The following THADA variants were observed in gnomAD, a reference collection of about 807,000 sequenced individuals.
THADA encodes tRNA (32-2'-O)-methyltransferase regulator THADA.
In THADA, 213 loss-of-function variants were observed where a neutral mutation model predicts 219.8. That is an observed-to-expected ratio of 0.97 (90% confidence interval 0.87 to 1.09). THADA has a LOEUF of 1.09. THADA is among the 50% of genes least tolerant of loss of function. The pLI, the probability that THADA is intolerant of heterozygous loss-of-function variation, is 0.00. For missense variants in THADA, 2,956 were observed against 2,311.3 expected, an observed-to-expected ratio of 1.28 and a Z score of -5.72; for synonymous variants, 1,018 against 828.9, an observed-to-expected ratio of 1.23 and a Z score of -3.92.
chr2:43,299,734 G>T (rs553246195), intron 31 of THADA, among the ~76,000 whole-genome samples: 2 of 148,890 alleles, frequency 1.3e-5, no homozygotes, highest in East Asian at 4.1e-4. Flanking sequence ...ACTAATAAAA[G>T]CTGAAATTTG....
At position 43,294,670 on chromosome 2, in the gene THADA, C is replaced by T. The variant is rs147792783; in HGVS notation, c.4439-1457G>A. Among the ~76,000 whole-genome samples the T allele has an allele frequency of 1.1e-3, 168 of 152,192 alleles. 2 individuals are homozygous for T. The East Asian group carries it at 0.029, about 27-fold the overall frequency. ...CCCATTTTCACTGAAGTGCTCTTAT[C>T]GTTGAGGAGGCAATATTAGAGGCAG... is the stretch of plus-strand genomic sequence containing the variant. On this transcript the variant is annotated intron_variant, in intron 31 of 37. Transcript: ENST00000405975.
Position 43,430,194 on chromosome 2 carries a change from C to A in THADA, c.3926+19G>T. 7.4e-7 allele frequency: 1 copy of A among 1,348,466 alleles called. No homozygotes were observed. Among genetic ancestry groups the A allele is most frequent in the African/African-American group, 1.5e-5 (1 of 66,562 alleles). 83.5% of individuals were successfully genotyped at this position (1,348,466 alleles called of 1,614,324 possible). ...TCACATCCTTGAGGTCATTTTGCCC[C>A]ACCCAATTCTCTTCTTACCTGTCTA... On this transcript the variant is annotated intron_variant, in intron 27 of 37. Coordinates refer to ENST00000405975, the MANE Select transcript of THADA (RefSeq NM_022065.5).
chr2:43,270,323 C>T (rs528538997), intron 36 of THADA, among the ~76,000 whole-genome samples: 4 of 152,288 alleles, frequency 2.6e-5, no homozygotes, highest in Non-Finnish European at 4.4e-5. Flanking sequence ...CACTGGAGAA[C>T]AGGAACAGCA....
intron 4 of THADA, 23 bp from the exon 5 acceptor site, chr2:43,587,025 A>C: frequency 6.2e-7 from 1 of 1,603,046 alleles, no homozygotes; most frequent in Non-Finnish European, 8.5e-7. Context: ...ACAAATATTA[A>C]AAATCTGACA....
chr2:43,454,930 T>C (rs1019195789), intron 26 of THADA, among the ~76,000 whole-genome samples: 1 of 104,826 alleles, frequency 9.5e-6, no homozygotes, highest in Non-Finnish European at 1.9e-5. Context: ...ATATGAGCTG[T>C]TTTTTTTTTC....
At chr2:43,368,075 G>A (rs961286761) in intron 29 of THADA, among the ~76,000 whole-genome samples, 2 of 152,076 alleles carry the variant, frequency 1.3e-5, no homozygotes, top group Non-Finnish European at 2.9e-5. Context: ...CCGAGATCAC[G>A]CCATTGCACT....
At chr2:43,483,305 A>G (rs7600657) in intron 26 of THADA, among the ~76,000 whole-genome samples, 26,596 of 152,162 alleles carry the variant, frequency 0.17, 3,355 homozygotes, top group African/African-American at 0.35. Context: ...TGGAAGGAAC[A>G]GGCATATAAA....
chr2:43,576,264 G>A (rs1410200020), intron 10 of THADA, among the ~76,000 whole-genome samples: 1 of 152,118 alleles, frequency 6.6e-6, no homozygotes, highest in African/African-American at 2.4e-5. Context: ...TTATTCATAT[G>A]TTCAGTATTA....
In THADA at chr2:43,575,012, C is replaced by T. The variant is rs372568862; in HGVS notation, c.1053G>A (p.Thr351=). 25 of 1,609,384 alleles carry T rather than the reference C, an allele frequency of 1.6e-5. No homozygotes were observed. Among genetic ancestry groups the T allele is most frequent in the Admixed American group, 1.0e-4 (6 of 59,256 alleles). Residue 351 remains threonine, a synonymous_variant, in exon 11 of 38, where the codon ACG becomes ACA. Coordinates refer to ENST00000405975, the MANE Select transcript of THADA (RefSeq NM_022065.5). ...FTLSSQIKEP[T]LEMFLSRILA... is the part of the protein sequence containing the mutation. ...AGATTCTAGACAGAAACATTTCCAG[C>T]GTTGGCTCTTTAATCCTGAAGAAAA...
At chr2:43,246,452 G>A (rs1421899264) in intron 36 of THADA, among the ~76,000 whole-genome samples, 1 of 151,820 alleles carries the variant, frequency 6.6e-6, no homozygotes, top group Admixed American at 6.6e-5. Context: ...CTTAGATTGC[G>A]CCACTGCACT....
At chr2:43,428,351 T>C (rs986949071) in intron 27 of THADA, 120 bp from the exon 28 acceptor site, 272 of 965,488 alleles carry the variant, frequency 2.8e-4, no homozygotes, top group Non-Finnish European at 3.9e-4. Flanking sequence ...CTAATGCCTG[T>C]AATCCCAGCA....
At chr2:43,591,330 A>T (rs1701542412) in intron 3 of THADA, among the ~76,000 whole-genome samples, 1 of 152,192 alleles carries the variant, frequency 6.6e-6, no homozygotes, top group African/African-American at 2.4e-5. Context: ...ATCTCAAAAA[A>T]ATAAATAAAA....
At chr2:43,290,813 T>A (rs1327621545) in intron 34 of THADA, among the ~76,000 whole-genome samples, 1 of 151,860 alleles carries the variant, frequency 6.6e-6, no homozygotes, top group Non-Finnish European at 1.5e-5. Context: ...TGCTATCTTG[T>A]ATGCACCTAA....
At chr2:43,538,146 T>C (rs1694845611) in intron 21 of THADA, among the ~76,000 whole-genome samples, 1 of 152,128 alleles carries the variant, frequency 6.6e-6, no homozygotes, top group Non-Finnish European at 1.5e-5. Context: ...TGGAGGAAGC[T>C]GTTTTAAAAA....
chr2:43,280,277 G>C (rs1240193208), intron 35 of THADA, among the ~76,000 whole-genome samples: 2 of 152,166 alleles, frequency 1.3e-5, no homozygotes, highest in African/African-American at 4.8e-5. Flanking sequence ...GTTGATTCAA[G>C]TGTCTGAGCC....
At chr2:43,262,320 C>G (rs1235184862) in intron 36 of THADA, among the ~76,000 whole-genome samples, 2 of 152,210 alleles carry the variant, frequency 1.3e-5, no homozygotes, top group African/African-American at 4.8e-5. Context: ...TCTTCCCTTT[C>G]TTTTCATCTG....
intron 26 of THADA, among the ~76,000 whole-genome samples, chr2:43,437,322 C>T (rs1282877690): frequency 2.6e-5 from 4 of 152,172 alleles, no homozygotes; most frequent in Admixed American, 6.5e-5. Flanking sequence ...GGCTTAATGG[C>T]TTGGACTAAA....
At chr2:43,512,590 C>T (rs1224321675) in intron 22 of THADA, among the ~76,000 whole-genome samples, 3 of 152,234 alleles carry the variant, frequency 2.0e-5, no homozygotes, top group Non-Finnish European at 4.4e-5. Flanking sequence ...GCAACCTCCG[C>T]CTCCCAGATT....
intron 36 of THADA, among the ~76,000 whole-genome samples, chr2:43,269,654 C>T (rs1156738684): frequency 6.6e-6 from 1 of 152,210 alleles, no homozygotes; most frequent in African/African-American, 2.4e-5. Context: ...GGGGGCCTAC[C>T]TTGATCAAAT....
Sources: allele counts gnomAD v4.1 joint callset (sites outside exome capture counted in the v4.1 genomes callset), GRCh38; gene constraint gnomAD v4.1.1; transcripts MANE v1.5; gene names NCBI Gene and HGNC (gene_info 2026-07-23, HGNC 2026-07-21).